Variants in GPR137B observed in about 807,000 individuals in gnomAD.
GPR137B encodes G protein-coupled receptor 137B, also known as integral membrane protein GPR137B.
Under a neutral mutation model 42.5 loss-of-function variants are expected in GPR137B, and 42 were observed. That is an observed-to-expected ratio of 0.99 (90% CI 0.77 to 1.28). The LOEUF (loss-of-function observed/expected upper bound fraction) is 1.28, where lower values mean the gene tolerates loss of function less well. Among genes scored for constraint, GPR137B ranks in the 50% most tolerant of loss-of-function variants. The pLI, the probability that GPR137B is intolerant of heterozygous loss-of-function variation, is 0.00. For synonymous variants in GPR137B, 218 were observed against 209.7 expected (o/e 1.04, Z -0.34); for missense variants, 487 against 493.9 (o/e 0.99, Z 0.13).
chr1:236,164,445 C>G (rs1416381383), intron 1 of GPR137B, among the ~76,000 whole-genome samples: 1 of 152,210 alleles, frequency 6.6e-6, no homozygotes, highest in East Asian at 1.9e-4. Context: ...GAGCCGTCGC[C>G]CCTCCCAGCT....
chr1:236,154,242 G>A (rs1661948839), intron 1 of GPR137B, among the ~76,000 whole-genome samples: 1 of 152,034 alleles, frequency 6.6e-6, no homozygotes, highest in Admixed American at 6.6e-5. Context: ...TCAGCGAATC[G>A]TGGGGTCCAG....
intron 2 of GPR137B, among the ~76,000 whole-genome samples, chr1:236,172,456 C>T (rs1290239954): frequency 1.3e-5 from 2 of 152,200 alleles, no homozygotes; most frequent in Non-Finnish European, 2.9e-5. Flanking sequence ...AGCCAAGAAC[C>T]ACTTTATTTT....
intron 1 of GPR137B, among the ~76,000 whole-genome samples, chr1:236,149,571 C>A (rs2102889868): frequency 6.6e-6 from 1 of 152,320 alleles, no homozygotes; most frequent in African/African-American, 2.4e-5. Context: ...TCGGCTGTGG[C>A]TCTTGGCGGT....
chr1:236,167,338 C>T (rs534993566), intron 1 of GPR137B, among the ~76,000 whole-genome samples: 29 of 152,286 alleles, frequency 1.9e-4, no homozygotes, highest in African/African-American at 2.9e-4. Context: ...GTAGTCACCA[C>T]GCTGTAGGAG....
In GPR137B at chr1:236,168,754, CG is replaced by C; in HGVS notation, c.464+1del. The C allele has an allele frequency of 6.3e-7, 1 of 1,596,730 alleles. No individual in the cohort carries two copies. Among genetic ancestry groups the C allele is most frequent in the Non-Finnish European group, 8.6e-7 (1 of 1,164,186 alleles). On this transcript the variant is annotated frameshift_variant and splice_region_variant, in exon 2 of 7. Transcript: ENST00000366592. LOFTEE classifies it high-confidence loss of function. ...ATATTCTCCAGAATTACTCAAATAC[CG>C]GTAAGTACTGCAGGGCATCTCTTTC... The part of the protein sequence containing the change: ...SKYSPELLKY[R>X]LPLYLASLFI...
Position 236,171,229 on chromosome 1 carries a change from A to T in GPR137B, c.464+2474A>T, listed in dbSNP as rs942200845. 7.2e-5 allele frequency among the ~76,000 whole-genome samples: 11 copies of T among 152,196 alleles called. No individual in the cohort carries two copies. The highest frequency in any genetic ancestry group is 2.0e-4 in the Admixed American group (3 of 15,274). Reference sequence around the variant, plus strand: ...GCATCAGGTTGATTGATGCTCAGAAAGTTTCAGATTTTGGAGCATTTCGGA... The same window carrying T: ...GCATCAGGTTGATTGATGCTCAGAATGTTTCAGATTTTGGAGCATTTCGGA... On this transcript the variant is annotated intron_variant, in intron 2 of 6. Transcript: ENST00000366592. The surrounding 1 kb of genome is among the most constrained non-coding windows in gnomAD (Gnocchi z 4.4).
At chr1:236,147,216 T>G (rs1661705471) in intron 1 of GPR137B, among the ~76,000 whole-genome samples, 1 of 152,162 alleles carries the variant, frequency 6.6e-6, no homozygotes, top group South Asian at 2.1e-4. Context: ...GTGCCCATGC[T>G]CTCAGCCTCT....
At chr1:236,174,916 G>A (rs1423730441) in intron 2 of GPR137B, among the ~76,000 whole-genome samples, 1 of 152,186 alleles carries the variant, frequency 6.6e-6, no homozygotes, top group Non-Finnish European at 1.5e-5. Context: ...CCGAATGGCA[G>A]GCTGTTAGGG....
intron 5 of GPR137B, among the ~76,000 whole-genome samples, chr1:236,201,124 C>T (rs996631261): frequency 1.3e-5 from 2 of 151,908 alleles, no homozygotes; most frequent in Non-Finnish European, 2.9e-5. Context: ...TCTTGGCTGA[C>T]AATTATTTTG....
intron 5 of GPR137B, among the ~76,000 whole-genome samples, chr1:236,194,405 T>TA (rs1459930909): frequency 6.6e-6 from 1 of 152,150 alleles, no homozygotes. Flanking sequence ...TAGGTATTCT[T>TA]AAACTATTAA....
Position 236,150,089 on chromosome 1 carries a change from A to ATGTGTGTGTCTGTGCC in GPR137B, c.414+7059_414+7074dup, listed in dbSNP as rs1661806545. On this transcript the variant is annotated intron_variant, in intron 1 of 6. Transcript: ENST00000366592. This position sits in a 1 kb window ranked among gnomAD's most constrained non-coding sequence, Gnocchi z 6.2. ...TGTGTGGGTCTCTGAGTGTCTGTGC[A>ATGTGTGTGTCTGTGCC]TGTGTGTGTCTGTGCCTGTGTATGT... is the stretch of plus-strand genomic sequence containing the variant. Among the ~76,000 whole-genome samples the ATGTGTGTGTCTGTGCC allele has an allele frequency of 8.0e-6, 1 of 125,724 alleles. No homozygotes were observed. Among genetic ancestry groups the ATGTGTGTGTCTGTGCC allele is most frequent in the African/African-American group, 3.1e-5 (1 of 32,150 alleles). 82.5% of individuals were successfully genotyped at this position (125,724 alleles called of 152,430 possible).
chr1:236,149,868 A>T (rs573875314), intron 1 of GPR137B, among the ~76,000 whole-genome samples: 1 of 152,174 alleles, frequency 6.6e-6, no homozygotes, highest in African/African-American at 2.4e-5. Flanking sequence ...GTGTATGTGC[A>T]TGTGTGCCTG....
chr1:236,180,625 A>G (rs1217778224), intron 4 of GPR137B, among the ~76,000 whole-genome samples: 1 of 148,986 alleles, frequency 6.7e-6, no homozygotes, highest in Admixed American at 6.8e-5. Context: ...TTTATTAAGC[A>G]GTACTTAATT....
chr1:236,205,188 T>TC lies in GPR137B; in HGVS notation c.1030dup (p.Arg344ProfsTer4). ...CCAGATCTTATTTCTTTGACAACCC[T>TC]CGAAGATATGACAGTGATGATGACC... On this transcript the variant is annotated frameshift_variant, in exon 6 of 7. Transcript: ENST00000366592. LOFTEE classifies it high-confidence loss of function. The TC allele has an allele frequency of 6.2e-7, 1 of 1,613,076 alleles. No homozygotes were observed. Among genetic ancestry groups the TC allele is most frequent in the African/African-American group, 1.3e-5 (1 of 75,030 alleles).
intron 5 of GPR137B, among the ~76,000 whole-genome samples, chr1:236,187,108 C>T (rs758922796): frequency 2.0e-5 from 3 of 152,128 alleles, no homozygotes; most frequent in Admixed American, 6.6e-5. Flanking sequence ...CAGTGATGAG[C>T]ATATTTTTCA....
In GPR137B at chr1:236,205,160, G is replaced by C. The variant is rs751591125; in HGVS notation, c.1001G>C (p.Ser334Thr). ...NPGMVPSHGF[S>T]PRSYFFDNPR... ...GGAATGGTCCCCAGCCATGGATTCA[G>C]TCCCAGATCTTATTTCTTTGACAAC... Residue 334 changes from serine to threonine, a missense_variant, in exon 6 of 7, where the codon AGT becomes ACT. Physicochemically the swap from Ser to Thr is moderately conservative, Grantham distance 58 (BLOSUM62 1). Coordinates refer to ENST00000366592, the MANE Select transcript of GPR137B (RefSeq NM_003272.4). 1.2e-6 allele frequency: 2 copies of C among 1,612,980 alleles called. No homozygotes were observed. The highest frequency in any genetic ancestry group is 1.7e-6 in the Non-Finnish European group (2 of 1,178,996).
intron 2 of GPR137B, 118 bp from the exon 3 acceptor site, chr1:236,178,296 A>T: frequency 1.5e-6 from 1 of 663,248 alleles, no homozygotes; most frequent in Non-Finnish European, 2.7e-6. Flanking sequence ...GCCAGAGTCC[A>T]AGCTCTTAAA....
chr1:236,197,756 T>A (rs1663379762), intron 5 of GPR137B, among the ~76,000 whole-genome samples: 1 of 152,238 alleles, frequency 6.6e-6, no homozygotes, highest in Non-Finnish European at 1.5e-5. Flanking sequence ...TGCCTCACTC[T>A]GTCACCCAGG....
chr1:236,183,586 G>C (rs1662941724), intron 4 of GPR137B, among the ~76,000 whole-genome samples, 192 bp from the exon 5 acceptor site: 1 of 152,234 alleles, frequency 6.6e-6, no homozygotes, highest in African/African-American at 2.4e-5. Context: ...TATTTTAGGA[G>C]AATGTACTAT....
Sources: gnomAD v4.1 joint callset for allele counts (sites outside exome capture counted in the v4.1 genomes callset) on GRCh38, gnomAD v4.1.1 for gene constraint, Gnocchi (gnomAD v3.1) non-coding constraint, MANE v1.5 for transcripts, NCBI Gene and HGNC (gene_info 2026-07-23, HGNC 2026-07-21) for gene names.